The following BTBD3 variants were observed in gnomAD, a reference collection of about 807,000 sequenced individuals.
BTBD3 encodes the protein BTB/POZ domain-containing protein 3.
A neutral mutation model predicts 41.6 loss-of-function variants in BTBD3; 14 were observed. The observed-to-expected ratio is 0.34, with a 90% CI of 0.22 to 0.53. The LOEUF (loss-of-function observed/expected upper bound fraction) is 0.53, where lower values mean the gene tolerates loss of function less well. BTBD3 is among the 20% of genes least tolerant of loss of function. The pLI is 0.95. For missense variants in BTBD3, 426 were observed against 654.7 expected, an observed-to-expected ratio of 0.65 and a Z score of 3.81; for synonymous variants, 249 against 233.7, an observed-to-expected ratio of 1.07 and a Z score of -0.60.
chr20:11,895,282 A>G (rs1433498515), intron 1 of BTBD3, among the ~76,000 whole-genome samples: 2 of 152,224 alleles, frequency 1.3e-5, no homozygotes, highest in Admixed American at 6.5e-5. Flanking sequence ...AAGTCACACT[A>G]TCCTTTTAAC....
chr20:11,906,281 TTG>T (rs1555795817), intron 1 of BTBD3, among the ~76,000 whole-genome samples: 1 of 138,730 alleles, frequency 7.2e-6, no homozygotes, highest in Non-Finnish European at 1.6e-5. Flanking sequence ...TTTTTTTTTT[TTG>T]AGACGGAGTC....
At chr20:11,894,468 C>A (rs1330796874) in intron 1 of BTBD3, among the ~76,000 whole-genome samples, 1 of 151,966 alleles carries the variant, frequency 6.6e-6, no homozygotes, top group Non-Finnish European at 1.5e-5. Flanking sequence ...AAAATATGAT[C>A]TTTTAATTTA....
At chr20:11,915,036 G>A (rs1376588338), upstream of BTBD3, among the ~76,000 whole-genome samples, 1 of 152,166 alleles carries the variant, frequency 6.6e-6, no homozygotes, top group Non-Finnish European at 1.5e-5. Context: ...TCTATTTTAA[G>A]TGGCCCAGCC....
In BTBD3 at chr20:11,926,031, A is replaced by T. The variant is rs923671425; in HGVS notation, c.*2365A>T. 2.0e-5 allele frequency: 3 copies of T among 152,226 alleles called. No individual in the cohort carries two copies. Among genetic ancestry groups the T allele is most frequent in the African/African-American group, 7.2e-5 (3 of 41,456 alleles). 9.4% of individuals were successfully genotyped at this position (152,226 alleles called of 1,614,324 possible). ...TAAGAAATTTTACATTTTAAACCCT[A>T]TTGTCCTTTATGCATTTTCAATGAA... is the stretch of plus-strand genomic sequence containing the variant. On this transcript the variant is annotated 3_prime_UTR_variant, in exon 4 of 4. Coordinates refer to ENST00000378226, the MANE Select transcript of BTBD3 (RefSeq NM_014962.4).
chr20:11,912,839 CT>C (rs1047698313), intron 1 of BTBD3, among the ~76,000 whole-genome samples: 1 of 152,170 alleles, frequency 6.6e-6, no homozygotes, highest in African/African-American at 2.4e-5. Context: ...TTAGCTCTTG[CT>C]TTTTTAGCTA....
At chr20:11,903,527 T>A (rs1220645897) in intron 1 of BTBD3, among the ~76,000 whole-genome samples, 1 of 152,218 alleles carries the variant, frequency 6.6e-6, no homozygotes, top group East Asian at 1.9e-4. Flanking sequence ...CCCTAAATTC[T>A]GTGAATTTTC....
rs368759423 is a variant in BTBD3 at position 11,919,807 on chromosome 20, C to T, written c.507C>T (p.Val169=). ...AAGATGAAATCCGTATACCAGATGT[C>T]GAACCTGCTGCTTTTCTCGCTATGC... is the stretch of plus-strand genomic sequence containing the variant. ...EDKDEIRIPD[V]EPAAFLAMLK... Residue 169 remains valine (V), a synonymous_variant, in exon 3 of 4, where the codon GTC becomes GTT. Coordinates refer to ENST00000378226, the MANE Select transcript of BTBD3 (RefSeq NM_014962.4). 60 of 1,613,986 alleles carry T rather than the reference C, an allele frequency of 3.7e-5. No individual in the cohort carries two copies. The African/African-American group carries it at 5.1e-4, about 14-fold the overall frequency.
chr20:11,910,923 T>A (rs2056885437), intron 1 of BTBD3, among the ~76,000 whole-genome samples: 1 of 152,230 alleles, frequency 6.6e-6, no homozygotes. Flanking sequence ...GAATTGTGAT[T>A]ATATACTTTA....
chr20:11,902,926 C>T (rs1299044916), intron 1 of BTBD3, among the ~76,000 whole-genome samples: 2 of 151,842 alleles, frequency 1.3e-5, no homozygotes, highest in Non-Finnish European at 2.9e-5. Context: ...TATATCTAGG[C>T]TGTGCAGTTC....
chr20:11,925,527 A>G lies in BTBD3; in HGVS notation c.*1861A>G, dbSNP rs888911803. ...GTGATTATAGATGAGTATTTCCAGG[A>G]CAACGTTCTAAAAGTACAATTATTT... On this transcript the variant is annotated 3_prime_UTR_variant, in exon 4 of 4. Transcript: ENST00000378226. 4 of 152,674 alleles carry G rather than the reference A, an allele frequency of 2.6e-5. No homozygotes were observed. 9.5% of individuals were successfully genotyped at this position (152,674 alleles called of 1,614,324 possible).
In BTBD3 at chr20:11,922,760, T is replaced by C; in HGVS notation, c.663T>C (p.Ser221=). ...TTAATTTCCTGGAGACCAGCCTGAGTGCCAAGAATGCCTGTGTGCTCCTCT... is the reference window on the plus strand; with the variant it reads ...TTAATTTCCTGGAGACCAGCCTGAGCGCCAAGAATGCCTGTGTGCTCCTCT... The part of the protein sequence containing the change: ...ACVNFLETSL[S]AKNACVLLSQ... Residue 221 remains serine, a synonymous_variant, in exon 4 of 4, where the codon AGT becomes AGC. Coordinates refer to ENST00000378226, the MANE Select transcript of BTBD3 (RefSeq NM_014962.4). The C allele has an allele frequency of 6.2e-7, 1 of 1,614,232 alleles. No individual in the cohort carries two copies. The highest frequency in any genetic ancestry group is 8.5e-7 in the Non-Finnish European group (1 of 1,180,032).
intron 1 of BTBD3, among the ~76,000 whole-genome samples, chr20:11,894,182 G>C (rs2056772678): frequency 6.6e-6 from 1 of 152,254 alleles, no homozygotes; most frequent in Admixed American, 6.5e-5. Flanking sequence ...AGTAGAGGAA[G>C]GCCAGCAGGG....
chr20:11,906,724 C>T (rs1463853607), intron 1 of BTBD3, among the ~76,000 whole-genome samples: 2 of 152,160 alleles, frequency 1.3e-5, no homozygotes, highest in South Asian at 2.1e-4. Flanking sequence ...TGCTTTTGCT[C>T]TGCAGTAATC....
intron 1 of BTBD3, among the ~76,000 whole-genome samples, chr20:11,906,308 A>G (rs2056854545): frequency 1.0e-5 from 1 of 97,104 alleles, no homozygotes. Flanking sequence ...TCTGTAGCCC[A>G]GGGTGGAGTG....
intron 1 of BTBD3, chr20:11,891,077 G>C (rs990464388): frequency 5.8e-6 from 4 of 689,062 alleles, no homozygotes; most frequent in Non-Finnish European, 7.1e-6. Context: ...AGGAGAGGCC[G>C]GGCTGGTGGC....
chr20:11,918,510 A>G lies in BTBD3; in HGVS notation c.235A>G (p.Ser79Gly). The change falls in exon 1 of 4, where the codon AGC becomes GGC. Residue 79 changes from serine to glycine, a missense_variant. Transcript: ENST00000378226. ...RKKPANSSST[S>G]VQQYHQQNLS... ...AAAGCCAGCCAACTCCAGCAGCACC[A>G]GCGTCCAGCAGTACCACCAGCAGAA... The G allele has an allele frequency of 6.2e-7, 1 of 1,614,192 alleles. No individual in the cohort carries two copies.
intron 1 of BTBD3, among the ~76,000 whole-genome samples, chr20:11,896,146 A>G (rs1384145057): frequency 1.3e-5 from 2 of 152,158 alleles, no homozygotes; most frequent in Non-Finnish European, 2.9e-5. Flanking sequence ...TGCCATCTGT[A>G]ATCAGTGTTT....
At chr20:11,907,759 G>A (rs996006181) in intron 1 of BTBD3, among the ~76,000 whole-genome samples, 3 of 152,160 alleles carry the variant, frequency 2.0e-5, no homozygotes, top group African/African-American at 7.2e-5. Context: ...AGGAAGCAAT[G>A]GACCCATTTG....
rs2122340217 is a variant in BTBD3 at position 11,923,442 on chromosome 20, A to C, written c.1345A>C (p.Asn449His). The change falls in exon 4 of 4, where the codon AAT becomes CAT. Residue 449 changes from asparagine to histidine, a missense_variant. Physicochemically the swap from Asn to His is moderately conservative, Grantham distance 68. Around this residue, in one of 3 missense-constraint regions of BTBD3, gnomAD observed 321 missense variants for 534.8 expected, o/e 0.60. Transcript: ENST00000378226. The surrounding 1 kb of genome is among the most constrained non-coding windows in gnomAD (Gnocchi z 5.3). Reference protein sequence around the residue: ...LSKYFSDGSSNTFPVWFEYPV... With the variant: ...LSKYFSDGSSHTFPVWFEYPV... ...CAAGTACTTCTCAGATGGGTCCAGC[A>C]ATACCTTTCCCGTATGGTTTGAATA... is the stretch of plus-strand genomic sequence containing the variant. The C allele has an allele frequency of 6.2e-7, 1 of 1,614,208 alleles. No homozygotes were observed. Among genetic ancestry groups the C allele is most frequent in the East Asian group, 2.2e-5 (1 of 44,882 alleles).
Sources: gnomAD v4.1 joint callset for allele counts (sites outside exome capture counted in the v4.1 genomes callset) on GRCh38, gnomAD v4.1.1 for gene constraint, gnomAD v4.1.1 regional missense constraint, Gnocchi (gnomAD v3.1) non-coding constraint, MANE v1.5 for transcripts, NCBI Gene and HGNC (gene_info 2026-07-23, HGNC 2026-07-21) for gene names.